The following AFTPH variants were observed in gnomAD, a reference collection of about 807,000 sequenced individuals.
AFTPH encodes the protein aftiphilin.
In AFTPH, 7 loss-of-function variants were observed where a neutral mutation model predicts 72.5. That is an observed-to-expected ratio of 0.10 (90% CI 0.05 to 0.18). The LOEUF is 0.18. AFTPH is among the 10% of genes least tolerant of loss of function. AFTPH has a pLI of 1.00. For synonymous variants in AFTPH, 337 were observed against 370.1 expected (o/e 0.91, Z 1.03); for missense variants, 979 against 1,060.5 (o/e 0.92, Z 1.07).
chr2:64,581,198 G>A (rs1353526908), intron 7 of AFTPH: 2 of 1,593,670 alleles, frequency 1.3e-6, no homozygotes, highest in Non-Finnish European at 1.7e-6. Context: ...AGCTAGTGGA[G>A]GTTCCACTCT....
At chr2:64,526,549 A>T (rs1368938427) in intron 1 of AFTPH, among the ~76,000 whole-genome samples, 2 of 152,186 alleles carry the variant, frequency 1.3e-5, no homozygotes, top group East Asian at 1.9e-4. Context: ...TTTTCCCTCT[A>T]TTCTTAGCAC....
At chr2:64,551,346 A>G in intron 1 of AFTPH, 97 bp from the exon 2 acceptor site, 1 of 931,822 alleles carries the variant, frequency 1.1e-6, no homozygotes, top group Non-Finnish European at 1.6e-6. Context: ...AGAGCATTGT[A>G]AATTTGCATT....
intron 1 of AFTPH, among the ~76,000 whole-genome samples, chr2:64,545,708 A>AG (rs1439058751): frequency 4.3e-5 from 2 of 46,032 alleles, no homozygotes; most frequent in African/African-American, 2.1e-3. Flanking sequence ...CATACATAAT[A>AG]TCCTTTCAAA....
intron 1 of AFTPH, among the ~76,000 whole-genome samples, chr2:64,532,949 C>T (rs937093817): frequency 1.3e-5 from 2 of 152,042 alleles, no homozygotes; most frequent in Admixed American, 6.5e-5. Context: ...AAATACATAC[C>T]GTTTGACATA....
intron 1 of AFTPH, among the ~76,000 whole-genome samples, chr2:64,548,024 C>A (rs568883260): frequency 6.6e-6 from 1 of 151,332 alleles, no homozygotes; most frequent in Non-Finnish European, 1.5e-5. Flanking sequence ...CTCCTGGGCT[C>A]AAGTAATTCA....
intron 7 of AFTPH, among the ~76,000 whole-genome samples, chr2:64,583,420 G>A (rs962359289): frequency 1.4e-5 from 2 of 147,652 alleles, no homozygotes; most frequent in African/African-American, 5.0e-5. Context: ...GGGTTTTGGT[G>A]TGGTGGTAGT....
At chr2:64,561,113 T>A (rs1237932681) in intron 2 of AFTPH, among the ~76,000 whole-genome samples, 1 of 152,198 alleles carries the variant, frequency 6.6e-6, no homozygotes. Context: ...TGGACATTAA[T>A]AGAGAAAATG....
intron 1 of AFTPH, among the ~76,000 whole-genome samples, chr2:64,531,093 GA>G: frequency 7.1e-6 from 1 of 139,914 alleles, no homozygotes; most frequent in African/African-American, 2.6e-5. Flanking sequence ...ACCACAAAAT[GA>G]AAAAAACCAT....
chr2:64,541,252 C>T (rs1456254648), intron 1 of AFTPH, among the ~76,000 whole-genome samples: 1 of 151,990 alleles, frequency 6.6e-6, no homozygotes, highest in African/African-American at 2.4e-5. Context: ...GGAGTGAAAA[C>T]ACGTGGAAGA....
intron 7 of AFTPH, among the ~76,000 whole-genome samples, chr2:64,582,786 G>T (rs1673287204): frequency 6.6e-6 from 1 of 152,052 alleles, no homozygotes; most frequent in African/African-American, 2.4e-5. Context: ...TAAAAACCTG[G>T]TTTAAATTTA....
exon 2 of AFTPH, chr2:64,552,370 T>G: frequency 6.2e-7 from 1 of 1,614,076 alleles, no homozygotes; most frequent in Admixed American, 1.7e-5. Context: ...CAGGTTTGTG[T>G]TTCAGAAATA....
intron 1 of AFTPH, among the ~76,000 whole-genome samples, chr2:64,536,951 CAAAA>C (rs70937353): frequency 0.087 from 7,116 of 81,852 alleles, 159 homozygotes; most frequent in African/African-American, 0.13. Flanking sequence ...GACTCTGTCT[CAAAA>C]AAAAAAAAAA....
At chr2:64,581,230 G>A (rs775763001) in intron 7 of AFTPH, 1 of 1,601,268 alleles carries the variant, frequency 6.2e-7, no homozygotes, top group Non-Finnish European at 8.5e-7. Flanking sequence ...ATTTCTTTGG[G>A]CCCGTGGATG....
chr2:64,572,287 T>C (rs529915032), intron 5 of AFTPH, among the ~76,000 whole-genome samples: 1 of 151,830 alleles, frequency 6.6e-6, no homozygotes, highest in African/African-American at 2.4e-5. Flanking sequence ...ATGTTCTTCC[T>C]CTCTAAAAAG....
intron 2 of AFTPH, among the ~76,000 whole-genome samples, chr2:64,564,568 C>A (rs562965464): frequency 4.6e-5 from 7 of 151,622 alleles, no homozygotes; most frequent in Non-Finnish European, 8.8e-5. Context: ...GAGCCGAGAT[C>A]GCACCACTGC....
intron 1 of AFTPH, among the ~76,000 whole-genome samples, chr2:64,530,368 C>T (rs896597853): frequency 1.3e-5 from 2 of 152,124 alleles, no homozygotes; most frequent in African/African-American, 2.4e-5. Context: ...AAAATGTCCC[C>T]TGGCAACTGA....
rs11366274 is a variant in AFTPH at position 64,578,558 on chromosome 2, ATT to A, written c.2395-912_2395-911del. 2.6e-3 allele frequency among the ~76,000 whole-genome samples: 375 copies of A among 146,296 alleles called. 3 individuals are homozygous for A. Among genetic ancestry groups the A allele is most frequent in the Middle Eastern group, 7.0e-3 (2 of 286 alleles). On this transcript the variant is annotated intron_variant, in intron 6 of 8. Transcript: ENST00000238856. ...GAAATTTAAACCCCTGGAATAGTGA[ATT>A]TTTTTTTTTTTTTTTAAACAGTCTC...
intron 8 of AFTPH, among the ~76,000 whole-genome samples, chr2:64,589,676 G>A (rs1673703547): frequency 1.3e-5 from 2 of 152,042 alleles, no homozygotes; most frequent in Non-Finnish European, 2.9e-5. Flanking sequence ...TTTACCAACT[G>A]TTTCTTAGGT....
In AFTPH at chr2:64,579,472, G is replaced by A. The variant is rs774284777; in HGVS notation, c.2395-14G>A. 3 of 1,610,706 alleles carry A rather than the reference G, an allele frequency of 1.9e-6. No homozygotes were observed. Among genetic ancestry groups the A allele is most frequent in the Middle Eastern group, 1.7e-4 (1 of 6,058 alleles). ...TGTACTGATTAATTTTGATTTTTTG[G>A]TTTTCAACTCTAGGAGTCTCTACCA... is the stretch of plus-strand genomic sequence containing the variant. On this transcript the variant is annotated splice_polypyrimidine_tract_variant and intron_variant, in intron 6 of 8. Transcript: ENST00000238856.
Sources: allele counts gnomAD v4.1 joint callset (sites outside exome capture counted in the v4.1 genomes callset), GRCh38; gene constraint gnomAD v4.1.1; transcripts MANE v1.5; gene names NCBI Gene and HGNC (gene_info 2026-07-23, HGNC 2026-07-21).